The following PARD3B variants were observed in gnomAD, a reference collection of about 807,000 sequenced individuals.
PARD3B encodes par-3 family cell polarity regulator beta.
A neutral mutation model predicts 130.2 loss-of-function variants in PARD3B; 103 were observed. The observed-to-expected ratio is 0.79, with a 90% CI of 0.67 to 0.93. PARD3B has a LOEUF of 0.93. PARD3B is among the 40% of genes least tolerant of loss of function. The pLI is 0.00. For synonymous variants in PARD3B, 583 were observed against 553.2 expected, an observed-to-expected ratio of 1.05 and a Z score of -0.76; for missense variants, 1,609 against 1,499.2, an observed-to-expected ratio of 1.07 and a Z score of -1.21.
intron 2 of PARD3B, among the ~76,000 whole-genome samples, chr2:204,717,902 C>T (rs1478020129): frequency 2.0e-5 from 3 of 152,156 alleles, no homozygotes; most frequent in Non-Finnish European, 1.5e-5. Context: ...TTTGTATGCT[C>T]CATGGCCATA....
intron 19 of PARD3B, among the ~76,000 whole-genome samples, chr2:205,408,544 G>A (rs183251954): frequency 2.0e-5 from 3 of 152,210 alleles, no homozygotes; most frequent in East Asian, 1.9e-4. Context: ...TATTTTGGTT[G>A]TAATCTACAC....
intron 3 of PARD3B, among the ~76,000 whole-genome samples, chr2:204,999,232 A>G (rs1054371710): frequency 1.3e-5 from 2 of 152,028 alleles, no homozygotes; most frequent in Non-Finnish European, 2.9e-5. Flanking sequence ...ATAATTCATT[A>G]TCGTTGTCAT....
In PARD3B at chr2:204,939,574, A is replaced by G. The variant is rs945886076; in HGVS notation, c.223-25578A>G. 3.3e-5 allele frequency among the ~76,000 whole-genome samples: 5 copies of G among 152,322 alleles called. 1 individual carries two copies. Among genetic ancestry groups the G allele is most frequent in the Middle Eastern group, 6.8e-3 (2 of 294 alleles). On this transcript the variant is annotated intron_variant, in intron 2 of 22. Transcript: ENST00000406610. ...CGTGTTCTATTTTGGTATTTAGAAAATTAACTTTTTGTGGTATGTACATTT... is the reference window on the plus strand; with the variant it reads ...CGTGTTCTATTTTGGTATTTAGAAAGTTAACTTTTTGTGGTATGTACATTT...
intron 3 of PARD3B, among the ~76,000 whole-genome samples, chr2:204,979,375 T>C (rs1180310906): frequency 6.6e-6 from 1 of 152,194 alleles, no homozygotes; most frequent in African/African-American, 2.4e-5. Context: ...GACCTGCCAA[T>C]GAACATGCTT....
chr2:205,291,393 C>T lies in PARD3B; in HGVS notation c.2186-9137C>T, dbSNP rs59617257. Among the ~76,000 whole-genome samples the T allele has an allele frequency of 0.012, 1,867 of 152,216 alleles. 17 individuals carry two copies. The highest frequency in any genetic ancestry group is 0.061 in the Middle Eastern group (18 of 294). On this transcript the variant is annotated intron_variant, in intron 16 of 22. Coordinates refer to ENST00000406610, the MANE Select transcript of PARD3B (RefSeq NM_001302769.2). The surrounding 1 kb of genome is among the most constrained non-coding windows in gnomAD (Gnocchi z 4.6). ...TGGTAGAAATATGGATGGTAAAGGC[C>T]ATTCTTATGAGGTCTCAGATGGAAA... is the stretch of plus-strand genomic sequence containing the variant.
rs943062074 is a variant in PARD3B, at chr2:205,550,091, A to T, written c.3181-3233A>T. 6.6e-6 allele frequency among the ~76,000 whole-genome samples: 1 copy of T among 152,124 alleles called. No homozygotes were observed. The highest frequency in any genetic ancestry group is 2.4e-5 in the African/African-American group (1 of 41,406). On this transcript the variant is annotated intron_variant, in intron 21 of 22. Coordinates refer to ENST00000406610, the MANE Select transcript of PARD3B (RefSeq NM_001302769.2). The surrounding 1 kb of genome is among the most constrained non-coding windows in gnomAD (Gnocchi z 4.5). The stretch of plus-strand genomic sequence containing the variant: ...AAATCTTCAAATTCCCTGAAGACAC[A>T]GTGCTTTCGATATGCCTCCATGGTT...
intron 1 of PARD3B, among the ~76,000 whole-genome samples, chr2:204,570,432 A>G (rs577852789): frequency 1.2e-4 from 19 of 152,312 alleles, no homozygotes; most frequent in Admixed American, 7.2e-4. Flanking sequence ...ACAGCTTGAC[A>G]GTTTCTTTGC....
intron 2 of PARD3B, among the ~76,000 whole-genome samples, chr2:204,794,444 G>C (rs2042300603): frequency 1.3e-5 from 2 of 152,150 alleles, no homozygotes; most frequent in South Asian, 4.1e-4. Flanking sequence ...TTATCAAATG[G>C]CTTTCAGGGC....
At chr2:205,355,190 C>T (rs1006781927) in intron 18 of PARD3B, among the ~76,000 whole-genome samples, 3 of 152,174 alleles carry the variant, frequency 2.0e-5, no homozygotes, top group African/African-American at 7.2e-5. Flanking sequence ...CATTTTTGAA[C>T]AGTCCCAATG....
At chr2:205,067,444 G>A (rs1160931394) in intron 4 of PARD3B, among the ~76,000 whole-genome samples, 2 of 152,084 alleles carry the variant, frequency 1.3e-5, no homozygotes, top group Non-Finnish European at 2.9e-5. Context: ...GATTTCAGGT[G>A]TGAGCCACGA....
intron 2 of PARD3B, among the ~76,000 whole-genome samples, chr2:204,735,966 C>G (rs2039729549): frequency 6.6e-6 from 1 of 152,130 alleles, no homozygotes; most frequent in African/African-American, 2.4e-5. Flanking sequence ...TGACAAAAAG[C>G]TGAAATATAA....
intron 3 of PARD3B, among the ~76,000 whole-genome samples, chr2:204,989,045 A>G (rs1032818915): frequency 3.3e-5 from 5 of 152,202 alleles, no homozygotes; most frequent in Non-Finnish European, 7.3e-5. Context: ...CTTTGCTGTC[A>G]CCAAGTGTAC....
chr2:204,946,128 CAT>C (rs1348933125), intron 2 of PARD3B, among the ~76,000 whole-genome samples: 5 of 152,198 alleles, frequency 3.3e-5, no homozygotes, highest in African/African-American at 4.8e-5. Flanking sequence ...TATTTCATCA[CAT>C]GTTACAATAT....
intron 21 of PARD3B, among the ~76,000 whole-genome samples, chr2:205,538,141 C>A (rs2051946700): frequency 6.6e-6 from 1 of 152,114 alleles, no homozygotes; most frequent in Admixed American, 6.5e-5. Flanking sequence ...GATGATCCAA[C>A]AGAGAAGGAA....
chr2:204,809,475 G>A (rs1274711913), intron 2 of PARD3B, among the ~76,000 whole-genome samples: 1 of 152,128 alleles, frequency 6.6e-6, no homozygotes, highest in Non-Finnish European at 1.5e-5. Context: ...AAATGGTCCA[G>A]CTTGAATCTT....
At chr2:205,090,814 GA>G (rs1179331412) in intron 4 of PARD3B, among the ~76,000 whole-genome samples, 1 of 152,188 alleles carries the variant, frequency 6.6e-6, no homozygotes, top group African/African-American at 2.4e-5. Context: ...CATGCTATGG[GA>G]AAAGATTGGC....
intron 21 of PARD3B, 125 bp downstream of exon 21, chr2:205,500,156 A>G: frequency 8.8e-7 from 1 of 1,141,410 alleles, no homozygotes; most frequent in Non-Finnish European, 1.2e-6. Flanking sequence ...CTTCATAGAC[A>G]GGAACATTAC....
chr2:205,515,089 T>C (rs1415407590), intron 21 of PARD3B, among the ~76,000 whole-genome samples: 1 of 152,172 alleles, frequency 6.6e-6, no homozygotes, highest in African/African-American at 2.4e-5. Context: ...GAACATACAG[T>C]ACTTGGTTTT....
Position 205,596,558 on chromosome 2 carries a change from C to G in PARD3B, c.3261-18898C>G, listed in dbSNP as rs141298755. On this transcript the variant is annotated intron_variant, in intron 22 of 22. Coordinates refer to ENST00000406610, the MANE Select transcript of PARD3B (RefSeq NM_001302769.2). ...GCTGAAAGTTACCCTTCACCCTTTA[C>G]TGAAAATTATCATGGGGTGCTTAGA... is the stretch of plus-strand genomic sequence containing the variant. Among the ~76,000 whole-genome samples, 323 of 152,254 alleles carry G rather than the reference C, an allele frequency of 2.1e-3. 3 individuals are homozygous for G. The highest frequency in any genetic ancestry group is 6.9e-3 in the African/African-American group (287 of 41,548).
Sources: gnomAD v4.1 joint callset for allele counts (sites outside exome capture counted in the v4.1 genomes callset) on GRCh38, gnomAD v4.1.1 for gene constraint, Gnocchi (gnomAD v3.1) non-coding constraint, MANE v1.5 for transcripts, NCBI Gene and HGNC (gene_info 2026-07-23, HGNC 2026-07-21) for gene names.